ZFHX3: variants seen among roughly 807,000 people sequenced by gnomAD.
ZFHX3 encodes the protein zinc finger homeobox 3, also known as zinc finger homeobox protein 3.
In ZFHX3, 42 loss-of-function variants were observed where a neutral mutation model predicts 279.1. That is an observed-to-expected ratio of 0.15 (90% CI 0.12 to 0.19). The LOEUF (loss-of-function observed/expected upper bound fraction) is 0.19. Ranked by LOEUF, ZFHX3 falls within the 10% of genes least tolerant of loss-of-function variation. The probability of loss-of-function intolerance (pLI) is 1.00; values close to 1 mark genes in which losing one functional copy is unlikely to be tolerated. For synonymous variants in ZFHX3, 2,293 were observed against 1,957.8 expected (o/e 1.17, Z -4.52); for missense variants, 4,981 against 4,754.0 (o/e 1.05, Z -1.40).
intron 4 of ZFHX3, among the ~76,000 whole-genome samples, chr16:72,830,526 C>T (rs1241847850): frequency 2.6e-5 from 4 of 152,214 alleles, no homozygotes; most frequent in Admixed American, 6.5e-5. Context: ...GTAACAGAGT[C>T]GTACACTTTC....
intron 1 of ZFHX3, among the ~76,000 whole-genome samples, chr16:73,865,688 T>C (rs1014996700): frequency 1.3e-5 from 2 of 152,104 alleles, no homozygotes; most frequent in Admixed American, 6.6e-5. Context: ...TGTTAAAACA[T>C]GTTACTGCCA....
intron 3 of ZFHX3, among the ~76,000 whole-genome samples, chr16:73,368,044 T>C (rs1008393346): frequency 8.5e-5 from 13 of 152,182 alleles, no homozygotes; most frequent in African/African-American, 3.1e-4. Flanking sequence ...CTAATTTTTT[T>C]ATTTTCAGTA....
intron 6 of ZFHX3, chr16:73,143,733 C>G (rs377527872): frequency 3.1e-6 from 4 of 1,304,088 alleles, no homozygotes; most frequent in Non-Finnish European, 4.0e-6. Flanking sequence ...CATTGAGAAA[C>G]AAGAAAGCTG....
At chr16:73,823,139 T>C (rs1960797943) in intron 1 of ZFHX3, among the ~76,000 whole-genome samples, 1 of 152,118 alleles carries the variant, frequency 6.6e-6, no homozygotes, top group South Asian at 2.1e-4. Context: ...GTCTACGACG[T>C]ATATGAAGCT....
intron 4 of ZFHX3, among the ~76,000 whole-genome samples, chr16:72,860,135 A>G (rs1009961119): frequency 6.6e-6 from 1 of 152,186 alleles, no homozygotes; most frequent in African/African-American, 2.4e-5. Flanking sequence ...GTTACCGATT[A>G]TATTTTAACA....
At chr16:72,927,232 A>T (rs541104465) in intron 3 of ZFHX3, among the ~76,000 whole-genome samples, 3 of 152,286 alleles carry the variant, frequency 2.0e-5, no homozygotes, top group East Asian at 1.9e-4. Flanking sequence ...GTAGTAAAAA[A>T]TTTTTATTTA....
intron 1 of ZFHX3, among the ~76,000 whole-genome samples, chr16:73,743,297 G>C (rs952901755): frequency 6.6e-6 from 1 of 152,196 alleles, no homozygotes; most frequent in African/African-American, 2.4e-5. Flanking sequence ...AGCACAGACA[G>C]ACATTCCACA....
chr16:73,648,188 T>C (rs992235331), intron 2 of ZFHX3, among the ~76,000 whole-genome samples: 3 of 152,188 alleles, frequency 2.0e-5, no homozygotes, highest in Admixed American at 6.5e-5. Context: ...AGGATATATC[T>C]ATATGGATGC....
chr16:73,888,219 A>T (rs2030413269), intron 1 of ZFHX3, among the ~76,000 whole-genome samples: 1 of 152,200 alleles, frequency 6.6e-6, no homozygotes, highest in African/African-American at 2.4e-5. Flanking sequence ...TGAGGTTTTC[A>T]CAAAATAATG....
At chr16:73,750,265 C>T (rs545054760) in intron 1 of ZFHX3, among the ~76,000 whole-genome samples, 1 of 152,278 alleles carries the variant, frequency 6.6e-6, no homozygotes, top group African/African-American at 2.4e-5. Flanking sequence ...CTAAACCAAG[C>T]TCAGCAATGA....
In ZFHX3 at chr16:73,526,030, G is replaced by A. The variant is rs373266300; in HGVS notation, c.-1546-69772C>T. On this transcript the variant is annotated intron_variant, in intron 2 of 17. Transcript: ENST00000641206. ...TGATTAAAAGAAGGTGGTTGGGGAC[G>A]GGGAAGGAAATAACATAAAGATGAG... 2.8e-4 allele frequency among the ~76,000 whole-genome samples: 42 copies of A among 152,306 alleles called. No homozygotes were observed. The East Asian group carries it at 4.2e-3, about 15-fold the overall frequency.
intron 2 of ZFHX3, among the ~76,000 whole-genome samples, chr16:73,463,484 G>T (rs1421036034): frequency 6.6e-6 from 1 of 152,188 alleles, no homozygotes; most frequent in Non-Finnish European, 1.5e-5. Flanking sequence ...TTTGAGCCTG[G>T]ATCCCATTCA....
intron 2 of ZFHX3, among the ~76,000 whole-genome samples, chr16:73,527,282 A>T (rs1287885188): frequency 6.6e-6 from 1 of 152,156 alleles, no homozygotes; most frequent in Non-Finnish European, 1.5e-5. Flanking sequence ...TTGTTGACAG[A>T]ACTTCCCAGC....
intron 5 of ZFHX3, among the ~76,000 whole-genome samples, chr16:73,251,724 ACGCACACAC>A (rs1223148113): frequency 1.6e-5 from 2 of 127,032 alleles, no homozygotes; most frequent in Admixed American, 1.6e-4. Flanking sequence ...CACACCACAC[ACGCACACAC>A]CATGCACACA....
At chr16:73,610,782 C>T (rs2052236990) in intron 2 of ZFHX3, among the ~76,000 whole-genome samples, 1 of 152,168 alleles carries the variant, frequency 6.6e-6, no homozygotes, top group African/African-American at 2.4e-5. Flanking sequence ...TTTATTTTCT[C>T]AACACTAGTT....
chr16:72,834,867 C>T (rs757521536), intron 4 of ZFHX3, among the ~76,000 whole-genome samples: 3 of 152,058 alleles, frequency 2.0e-5, no homozygotes, highest in South Asian at 2.1e-4. Context: ...GTGTCCACGG[C>T]GGGTATTCTA....
chr16:73,167,522 C>T (rs1260765218), intron 5 of ZFHX3, among the ~76,000 whole-genome samples: 1 of 152,150 alleles, frequency 6.6e-6, no homozygotes, highest in Non-Finnish European at 1.5e-5. Flanking sequence ...CAGTGCTGAA[C>T]TTGTGCCAAG....
intron 2 of ZFHX3, among the ~76,000 whole-genome samples, chr16:73,562,712 G>A (rs1165394438): frequency 6.8e-6 from 1 of 146,996 alleles, no homozygotes; most frequent in Non-Finnish European, 1.5e-5. Context: ...GACATTGAGA[G>A]GGTCAAAAAA....
intron 5 of ZFHX3, among the ~76,000 whole-genome samples, chr16:73,152,985 G>A (rs1171159520): frequency 6.6e-6 from 1 of 152,132 alleles, no homozygotes; most frequent in Admixed American, 6.5e-5. Context: ...AGGGGGAGGG[G>A]TGTCTGGAAT....
Sources: gnomAD v4.1 joint callset for allele counts (sites outside exome capture counted in the v4.1 genomes callset) on GRCh38, gnomAD v4.1.1 for gene constraint, MANE v1.5 for transcripts, NCBI Gene and HGNC (gene_info 2026-07-23, HGNC 2026-07-21) for gene names.